Variants in GSTA5 observed in about 807,000 individuals in gnomAD.
GSTA5 encodes the protein glutathione S-transferase A5.
GSTA5 carries 25 observed loss-of-function variants against 21.8 expected under a neutral mutation model. The observed-to-expected ratio is 1.14, with a 90% CI of 0.83 to 1.60. The LOEUF (loss-of-function observed/expected upper bound fraction) is 1.60. Ranked by LOEUF, GSTA5 falls within the 40% of genes most tolerant of loss-of-function variation. GSTA5 has a pLI of 0.00. For missense variants in GSTA5, 330 were observed against 259.2 expected, an observed-to-expected ratio of 1.27 and a Z score of -1.88; for synonymous variants, 102 against 89.5, an observed-to-expected ratio of 1.14 and a Z score of -0.78.
At chr6:52,834,305 C>A in intron 3 of GSTA5, 23 bp from the exon 4 acceptor site, 2 of 1,592,978 alleles carry the variant, frequency 1.3e-6, no homozygotes, top group Non-Finnish European at 1.7e-6. Flanking sequence ...AACAACCAAA[C>A]CATCAAATGC....
intron 1 of GSTA5, among the ~76,000 whole-genome samples, chr6:52,838,366 T>A (rs926907454): frequency 1.2e-4 from 18 of 152,262 alleles, no homozygotes; most frequent in Non-Finnish European, 2.1e-4. Flanking sequence ...TTACGGCACC[T>A]ATGGTATAGG....
At chr6:52,834,907 C>T (rs1389091841) in intron 3 of GSTA5, among the ~76,000 whole-genome samples, 1 of 152,188 alleles carries the variant, frequency 6.6e-6, no homozygotes, top group African/African-American at 2.4e-5. Context: ...TAAGAATCCC[C>T]TTCCCCGGTG....
chr6:52,831,807 A>G (rs1488826520), exon 6 of GSTA5: 1 of 1,610,934 alleles, frequency 6.2e-7, no homozygotes, highest in East Asian at 2.2e-5. Flanking sequence ...CAAACTGTAG[A>G]ATATTGGTCT....
exon 6 of GSTA5, chr6:52,831,914 G>T: frequency 1.2e-6 from 2 of 1,613,734 alleles, no homozygotes; most frequent in African/African-American, 1.3e-5. Flanking sequence ...TTCTCTGGCT[G>T]CCAGGCTGCA....
intron 5 of GSTA5, among the ~76,000 whole-genome samples, chr6:52,832,245 G>C (rs1412172699): frequency 2.6e-5 from 4 of 152,158 alleles, no homozygotes; most frequent in Non-Finnish European, 4.4e-5. Flanking sequence ...TGTGGCTCTT[G>C]TATAAGACAA....
In GSTA5 at chr6:52,836,479, T is replaced by C. The variant is rs1161487376; in HGVS notation, c.140-111A>G. 2.7e-6 allele frequency: 3 copies of C among 1,130,630 alleles called. No homozygotes were observed. In the African/African-American group the frequency reaches 4.7e-5, roughly 18 times the overall value. 70.0% of individuals were successfully genotyped at this position (1,130,630 alleles called of 1,614,324 possible). A position where few individuals can be genotyped will look rare whatever the true frequency, so the allele number is the denominator to read the frequency against. ...AATTTGTGAAATGAAAAAGAAATTA[T>C]TGCCTGTTAAGTTTTCACTTGAAAC... On this transcript the variant is annotated intron_variant, in intron 2 of 5. Coordinates refer to ENST00000370989, the Ensembl canonical transcript of GSTA5.
intron 3 of GSTA5, among the ~76,000 whole-genome samples, 198 bp from the exon 4 acceptor site, chr6:52,834,480 A>G (rs1030084968): frequency 1.3e-5 from 2 of 152,222 alleles, no homozygotes; most frequent in African/African-American, 4.8e-5. Context: ...GTATATTAAC[A>G]TTTATTTCCT....
At chr6:52,840,077 A>G (rs1764350523) in intron 1 of GSTA5, among the ~76,000 whole-genome samples, 1 of 152,214 alleles carries the variant, frequency 6.6e-6, no homozygotes, top group Admixed American at 6.5e-5. Flanking sequence ...TACACCTCTC[A>G]TTTATAGTTT....
At chr6:52,837,952 C>A (rs756420997) in intron 1 of GSTA5, among the ~76,000 whole-genome samples, 34 of 152,242 alleles carry the variant, frequency 2.2e-4, no homozygotes, top group Non-Finnish European at 4.0e-4. Context: ...AAGCCCGTGT[C>A]TCCAGGAGAG....
chr6:52,843,927 A>C (rs1406181198), upstream of GSTA5, among the ~76,000 whole-genome samples: 1 of 152,174 alleles, frequency 6.6e-6, no homozygotes, highest in Non-Finnish European at 1.5e-5. Context: ...GCCTCTCAAT[A>C]TGAGGTTTCC....
chr6:52,833,313 C>T (rs1561925685), intron 4 of GSTA5, among the ~76,000 whole-genome samples: 1 of 152,202 alleles, frequency 6.6e-6, no homozygotes, highest in Admixed American at 6.5e-5. Flanking sequence ...GCCCCAGGCC[C>T]TACAGCGTGG....
chr6:52,834,163 C>T (rs556406136), exon 4 of GSTA5: 9 of 1,614,100 alleles, frequency 5.6e-6, no homozygotes, highest in Admixed American at 1.7e-5. Flanking sequence ...AGGGAAGTAG[C>T]GATTTTTTAT....
At position 52,834,274 on chromosome 6, in the gene GSTA5, A is replaced by C. The variant is rs1465377651; in HGVS notation, c.281T>G (p.Met94Arg). Residue 94 changes from methionine to arginine, a missense_variant, in exon 4 of 6, where the codon ATG becomes AGG. Coordinates refer to ENST00000370989, the Ensembl canonical transcript of GSTA5. ...CAAATCTACTATACCTTCTGTGTAC[A>C]TATCAATCCTGAAAGACAAAAACAA... 2.5e-6 allele frequency: 4 copies of C among 1,608,128 alleles called. No individual in the cohort carries two copies. The South Asian group carries it at 4.5e-5, about 18-fold the overall frequency.
upstream of GSTA5, among the ~76,000 whole-genome samples, chr6:52,842,818 G>A (rs563092372): frequency 2.6e-5 from 4 of 152,098 alleles, no homozygotes; most frequent in Non-Finnish European, 5.9e-5. Context: ...TTGTTACATA[G>A]GTATGCACAT....
At chr6:52,834,454 G>A (rs1338511301) in intron 3 of GSTA5, among the ~76,000 whole-genome samples, 172 bp from the exon 4 acceptor site, 1 of 152,152 alleles carries the variant, frequency 6.6e-6, no homozygotes, top group Middle Eastern at 3.2e-3. Context: ...TAGTCATTAT[G>A]TTCTGATTTT....
chr6:52,834,152 C>T (rs1764258059), exon 4 of GSTA5: 3 of 1,614,040 alleles, frequency 1.9e-6, no homozygotes, highest in Non-Finnish European at 2.5e-6. Flanking sequence ...TTTTCAAAGG[C>T]AGGGAAGTAG....
exon 6 of GSTA5, chr6:52,831,923 C>T (rs1325882840): frequency 8.1e-6 from 13 of 1,613,884 alleles, no homozygotes; most frequent in Admixed American, 5.0e-5. Flanking sequence ...TGCCAGGCTG[C>T]AGAAACTTCT....
At chr6:52,837,739 G>A (rs1293187033) in intron 1 of GSTA5, 130 bp from the exon 2 acceptor site, 1 of 616,086 alleles carries the variant, frequency 1.6e-6, no homozygotes, top group Non-Finnish European at 2.8e-6. Context: ...TATACAGAGG[G>A]GGCTGGTAAT....
chr6:52,833,007 A>G lies in GSTA5; in HGVS notation c.415-17T>C, dbSNP rs778703683. Reference sequence around the variant, plus strand: ...CTTTAAGACCTGGAGAATTGGAGGAATCAGATCAGGAACACATGCACACCC... The same window carrying G: ...CTTTAAGACCTGGAGAATTGGAGGAGTCAGATCAGGAACACATGCACACCC... On this transcript the variant is annotated splice_polypyrimidine_tract_variant and intron_variant, in intron 4 of 5. Transcript: ENST00000370989. 4.3e-6 allele frequency: 7 copies of G among 1,613,870 alleles called. No individual in the cohort carries two copies. The South Asian group carries it at 7.7e-5, about 18-fold the overall frequency.
Sources: gnomAD v4.1 joint callset for allele counts (sites outside exome capture counted in the v4.1 genomes callset) on GRCh38, gnomAD v4.1.1 for gene constraint, MANE v1.5 for transcripts, NCBI Gene and HGNC (gene_info 2026-07-23, HGNC 2026-07-21) for gene names.